The following ALG8 variants were observed in gnomAD, a reference collection of about 807,000 sequenced individuals.
ALG8 encodes the protein ALG8 alpha-1,3-glucosyltransferase.
In ALG8, 48 loss-of-function variants were observed where a neutral mutation model predicts 70.2. That is an observed-to-expected ratio of 0.68 (90% CI 0.54 to 0.87). The LOEUF is 0.87. Ranked by LOEUF, ALG8 falls within the 40% of genes least tolerant of loss-of-function variation. ALG8 has a pLI of 0.00. For missense variants in ALG8, 572 were observed against 608.7 expected, an observed-to-expected ratio of 0.94 and a Z score of 0.64; for synonymous variants, 234 against 229.0, an observed-to-expected ratio of 1.02 and a Z score of -0.20.
intron 3 of ALG8, among the ~76,000 whole-genome samples, chr11:78,122,899 G>A (rs1860886691): frequency 6.6e-6 from 1 of 152,150 alleles, no homozygotes; most frequent in South Asian, 2.1e-4. Flanking sequence ...TTACTGAGTG[G>A]GGCAAGGGTT....
chr11:78,133,679 T>A (rs922871701), intron 1 of ALG8, among the ~76,000 whole-genome samples: 1 of 152,034 alleles, frequency 6.6e-6, no homozygotes, highest in African/African-American at 2.4e-5. Context: ...GGCGGGCGGA[T>A]CACGAGGTCA....
intron 6 of ALG8, 125 bp downstream of exon 6, chr11:78,114,141 G>T: frequency 7.0e-7 from 1 of 1,436,058 alleles, no homozygotes. Context: ...ATGGGTAAAG[G>T]GCTTACAGGA....
chr11:78,116,712 G>A (rs642003), intron 5 of ALG8, among the ~76,000 whole-genome samples: 33,088 of 151,776 alleles, frequency 0.22, 4,454 homozygotes, highest in African/African-American at 0.38. Context: ...ACAGCATGAC[G>A]TTGTCTTCAA....
intron 1 of ALG8, among the ~76,000 whole-genome samples, chr11:78,130,878 TTTCTC>T (rs1565362542): frequency 6.6e-6 from 1 of 152,116 alleles, no homozygotes; most frequent in Non-Finnish European, 1.5e-5. Context: ...ATTTTTATCT[TTTCTC>T]TTATATTTTT....
chr11:78,138,620 GA>G (rs1861654174), intron 1 of ALG8: 1 of 432,280 alleles, frequency 2.3e-6, no homozygotes, highest in Admixed American at 2.6e-5. Context: ...AAGTGGGAGG[GA>G]AAGGAGAAAA....
intron 11 of ALG8, 113 bp downstream of exon 11, chr11:78,104,243 A>C: frequency 9.2e-7 from 1 of 1,083,050 alleles, no homozygotes; most frequent in Non-Finnish European, 1.3e-6. Context: ...AAGAGGATGA[A>C]TGATCTCTAT....
chr11:78,109,702 C>T lies in ALG8; in HGVS notation c.899-121G>A, dbSNP rs116370749. The T allele has an allele frequency of 2.6e-3, 2,625 of 1,000,174 alleles. 52 individuals are homozygous for T. The African/African-American group carries it at 0.038, about 14-fold the overall frequency. The allele number at this position is 1,000,174 out of a possible 1,614,324, so 62.0% of individuals were successfully genotyped here. ...ACTAAATCTTATTGCTGCTTAAAGGCTAAGATTTCATGAATTTAATCCTAT... is the reference window on the plus strand; with the variant it reads ...ACTAAATCTTATTGCTGCTTAAAGGTTAAGATTTCATGAATTTAATCCTAT... On this transcript the variant is annotated intron_variant, in intron 8 of 12. Transcript: ENST00000299626.
intron 3 of ALG8, among the ~76,000 whole-genome samples, chr11:78,123,315 GAAAA>G (rs1220218900): frequency 2.3e-5 from 2 of 88,544 alleles, no homozygotes; most frequent in Non-Finnish European, 3.9e-5. Context: ...GGAAAAAAAA[GAAAA>G]AAAAAAAAAA....
At chr11:78,110,827 A>G (rs914002130) in intron 8 of ALG8, among the ~76,000 whole-genome samples, 2 of 152,112 alleles carry the variant, frequency 1.3e-5, no homozygotes, top group African/African-American at 4.8e-5. Context: ...TGGCCTGCTG[A>G]TTCTCTCTTA....
At chr11:78,102,951 C>CA (rs35218171) in intron 12 of ALG8, 1,347 of 119,606 alleles carry the variant, frequency 0.011, 42 homozygotes, top group East Asian at 0.08. Flanking sequence ...AACTCCGTCT[C>CA]AAAAAAAAAA....
At chr11:78,130,879 TTC>T (rs1265701489) in intron 1 of ALG8, among the ~76,000 whole-genome samples, 13 of 152,166 alleles carry the variant, frequency 8.5e-5, no homozygotes, top group African/African-American at 2.9e-4. Context: ...TTTTTATCTT[TTC>T]TCTTATATTT....
chr11:78,124,189 T>A lies in ALG8; in HGVS notation c.200A>T (p.Tyr67Phe). 6.2e-7 allele frequency: 1 copy of A among 1,614,068 alleles called. No homozygotes were observed. Among genetic ancestry groups the A allele is most frequent in the Non-Finnish European group, 8.5e-7 (1 of 1,180,004 alleles). ...YEATSEWTLD[Y>F]PPFFAWFEYI... ...CTCAAACCATGCAAAGAAAGGGGGG[T>A]AATCCAACGTCCACTCTGAAGTTGC... The change falls in exon 3 of 13, where the codon TAC becomes TTC. Residue 67 changes from tyrosine to phenylalanine, a missense_variant. Coordinates refer to ENST00000299626, the MANE Select transcript of ALG8 (RefSeq NM_024079.5).
chr11:78,127,270 C>T, intron 2 of ALG8, 88 bp downstream of exon 2: 2 of 1,271,670 alleles, frequency 1.6e-6, no homozygotes, highest in Non-Finnish European at 2.2e-6. Flanking sequence ...AGCCACCGCA[C>T]CCAGCCAGAA....
At chr11:78,114,018 A>C in intron 6 of ALG8, 29 bp from the exon 7 acceptor site, 1 of 1,556,268 alleles carries the variant, frequency 6.4e-7, no homozygotes, top group Non-Finnish European at 8.8e-7. Context: ...ATCAGTAACC[A>C]GGAAGATGGA....
intron 5 of ALG8, among the ~76,000 whole-genome samples, chr11:78,115,313 C>T (rs555526871): frequency 2.1e-4 from 32 of 152,110 alleles, no homozygotes; most frequent in Middle Eastern, 6.8e-3. Context: ...GGATTACAGG[C>T]GTGAACCGCC....
At chr11:78,105,648 T>TAA (rs200968449) in intron 10 of ALG8, among the ~76,000 whole-genome samples, 2,781 of 108,562 alleles carry the variant, frequency 0.026, 100 homozygotes, top group African/African-American at 0.085. Flanking sequence ...TACCAAAAAG[T>TAA]AAAAAAAAAA....
chr11:78,133,778 T>G (rs1321783668), intron 1 of ALG8, among the ~76,000 whole-genome samples: 2 of 151,906 alleles, frequency 1.3e-5, no homozygotes, highest in East Asian at 3.9e-4. Context: ...GAGGGGCGCC[T>G]GTAGGGTCAG....
chr11:78,107,777 G>A (rs1160788389), intron 9 of ALG8: 1 of 199,588 alleles, frequency 5.0e-6, no homozygotes, highest in Non-Finnish European at 1.1e-5. Context: ...GGGAGGCAGA[G>A]GTTGCAGTGA....
At chr11:78,127,714 T>TTTC (rs1861140660) in intron 1 of ALG8, among the ~76,000 whole-genome samples, 1 of 146,942 alleles carries the variant, frequency 6.8e-6, no homozygotes, top group African/African-American at 2.5e-5. Context: ...TTTCTTTTCT[T>TTTC]TTTTTTTTTT....
Sources: allele counts gnomAD v4.1 joint callset (sites outside exome capture counted in the v4.1 genomes callset), GRCh38; gene constraint gnomAD v4.1.1; transcripts MANE v1.5; gene names NCBI Gene and HGNC (gene_info 2026-07-23, HGNC 2026-07-21).